NELL1: variants seen among roughly 807,000 people sequenced by gnomAD.
NELL1 encodes neural EGFL like 1, also known as protein kinase C-binding protein NELL1.
In NELL1, 76 loss-of-function variants were observed where a neutral mutation model predicts 107.4. The ratio of observed to expected loss-of-function variants is 0.71; its 90% CI spans 0.59 to 0.86. The LOEUF is 0.86. Among genes scored for constraint, NELL1 ranks in the 40% least tolerant of loss-of-function variants. NELL1 has a pLI of 0.00. For synonymous variants in NELL1, 353 were observed against 341.2 expected (o/e 1.03, Z -0.38); for missense variants, 1,024 against 1,005.5 (o/e 1.02, Z -0.25).
chr11:21,509,429 G>A (rs1180133642), intron 15 of NELL1, among the ~76,000 whole-genome samples: 1 of 152,118 alleles, frequency 6.6e-6, no homozygotes, highest in Non-Finnish European at 1.5e-5. Context: ...TCATAGCTTT[G>A]TTGATTGTGA....
intron 4 of NELL1, among the ~76,000 whole-genome samples, chr11:20,851,192 G>C (rs1463722263): frequency 6.6e-6 from 1 of 152,180 alleles, no homozygotes; most frequent in Non-Finnish European, 1.5e-5. Flanking sequence ...AATGTGGCAG[G>C]ATTTCGCACA....
intron 16 of NELL1, among the ~76,000 whole-genome samples, chr11:21,548,960 T>C (rs766528625): frequency 3.0e-4 from 46 of 151,148 alleles, no homozygotes; most frequent in Non-Finnish European, 5.9e-4. Context: ...CTGTACTCCA[T>C]GGTTTCAGGA....
chr11:20,813,521 G>T (rs929779973), intron 3 of NELL1, among the ~76,000 whole-genome samples: 1 of 152,096 alleles, frequency 6.6e-6, no homozygotes, highest in Non-Finnish European at 1.5e-5. Flanking sequence ...GCTCCGATTT[G>T]ATTCTGGGTA....
At chr11:21,140,131 G>A (rs904057997) in intron 13 of NELL1, among the ~76,000 whole-genome samples, 4 of 152,064 alleles carry the variant, frequency 2.6e-5, no homozygotes, top group Admixed American at 1.3e-4. Flanking sequence ...ACACTGATTC[G>A]CTGAAGCTTA....
At chr11:20,948,986 G>A (rs923238407) in intron 11 of NELL1, among the ~76,000 whole-genome samples, 2 of 151,848 alleles carry the variant, frequency 1.3e-5, no homozygotes, top group Admixed American at 1.3e-4. Flanking sequence ...CAGAGGGGTG[G>A]CAAAAATTCT....
At chr11:21,350,582 A>C (rs1322241449) in intron 14 of NELL1, among the ~76,000 whole-genome samples, 1 of 152,172 alleles carries the variant, frequency 6.6e-6, no homozygotes, top group Non-Finnish European at 1.5e-5. Context: ...GCAGGTTTAA[A>C]TGGCCTGGTG....
chr11:20,738,604 A>AAT lies in NELL1; in HGVS notation c.185-45074_185-45073dup, dbSNP rs1403621681. ...TCATTCTTTTCTGATGGAATTGAAT[A>AAT]ATAGCCCAGGTTCTGGACTTGGACC... On this transcript the variant is annotated intron_variant, in intron 2 of 19. Coordinates refer to ENST00000357134, the MANE Select transcript of NELL1 (RefSeq NM_006157.5). Among the ~76,000 whole-genome samples the AAT allele has an allele frequency of 2.0e-5, 3 of 152,204 alleles. No individual in the cohort carries two copies. The East Asian group carries it at 5.8e-4, about 29-fold the overall frequency.
intron 13 of NELL1, among the ~76,000 whole-genome samples, chr11:21,225,689 C>G (rs1439349927): frequency 6.6e-6 from 1 of 152,078 alleles, no homozygotes; most frequent in Non-Finnish European, 1.5e-5. Context: ...TAACCACCAT[C>G]CTATGATTAA....
intron 15 of NELL1, among the ~76,000 whole-genome samples, chr11:21,465,079 C>G: frequency 6.6e-6 from 1 of 151,814 alleles, no homozygotes; most frequent in Non-Finnish European, 1.5e-5. Context: ...GGTGAGTACA[C>G]GAAGGAATAC....
intron 15 of NELL1, among the ~76,000 whole-genome samples, chr11:21,419,563 C>G (rs1852608135): frequency 6.6e-6 from 1 of 152,102 alleles, no homozygotes; most frequent in Non-Finnish European, 1.5e-5. Context: ...CTCTGAGGAA[C>G]ATGACACTCT....
chr11:21,172,286 C>G (rs1203742796), intron 13 of NELL1, among the ~76,000 whole-genome samples: 1 of 151,830 alleles, frequency 6.6e-6, no homozygotes, highest in Admixed American at 6.6e-5. Context: ...CAAGGAATTG[C>G]TACGTTTTAG....
chr11:21,167,139 T>C (rs1856501746), intron 13 of NELL1, among the ~76,000 whole-genome samples: 1 of 151,882 alleles, frequency 6.6e-6, no homozygotes, highest in African/African-American at 2.4e-5. Flanking sequence ...TGAATCAATA[T>C]TATCAGGACC....
chr11:20,799,301 T>C (rs916324453), intron 3 of NELL1, among the ~76,000 whole-genome samples: 23 of 152,294 alleles, frequency 1.5e-4, no homozygotes, highest in African/African-American at 5.5e-4. Flanking sequence ...ATAGCTTCCT[T>C]GATGATTTCA....
intron 15 of NELL1, among the ~76,000 whole-genome samples, chr11:21,406,394 T>A (rs191522976): frequency 1.5e-4 from 17 of 115,254 alleles, no homozygotes; most frequent in Non-Finnish European, 2.9e-4. Context: ...TTTTCCTGAA[T>A]TTTCCAATAA....
chr11:20,872,171 A>AT lies in NELL1; in HGVS notation c.507-13254dup, dbSNP rs549212186. ...ATACCAAATGAGTCCTCTATCAGAG[A>AT]TTTTTTTTTTTTTTTTTTTGGAGAC... is the stretch of plus-strand genomic sequence containing the variant. On this transcript the variant is annotated intron_variant, in intron 4 of 19. Coordinates refer to ENST00000357134, the MANE Select transcript of NELL1 (RefSeq NM_006157.5). Among the ~76,000 whole-genome samples the AT allele has an allele frequency of 2.2e-3, 228 of 103,938 alleles. 3 individuals carry two copies. Among genetic ancestry groups the AT allele is most frequent in the African/African-American group, 5.7e-3 (176 of 30,732 alleles). 68.2% of individuals were successfully genotyped at this position (103,938 alleles called of 152,430 possible). A position where few individuals can be genotyped will look rare whatever the true frequency, so the allele number is the denominator to read the frequency against.
intron 15 of NELL1, among the ~76,000 whole-genome samples, chr11:21,402,296 T>A (rs1852116397): frequency 6.6e-6 from 1 of 151,818 alleles, no homozygotes; most frequent in South Asian, 2.1e-4. Flanking sequence ...CACACTCTTC[T>A]CAACTTGGGA....
chr11:21,153,556 C>T (rs996171194), intron 13 of NELL1, among the ~76,000 whole-genome samples: 5 of 152,006 alleles, frequency 3.3e-5, no homozygotes, highest in East Asian at 1.9e-4. Flanking sequence ...ATCAAGAGGG[C>T]GTTGGGGAAA....
intron 16 of NELL1, among the ~76,000 whole-genome samples, chr11:21,535,155 T>C (rs185000622): frequency 3.3e-5 from 5 of 152,334 alleles, no homozygotes; most frequent in African/African-American, 9.6e-5. Context: ...TTCTGTTAAA[T>C]ACTGAACACG....
At chr11:21,153,467 G>A (rs1441588305) in intron 13 of NELL1, among the ~76,000 whole-genome samples, 2 of 152,088 alleles carry the variant, frequency 1.3e-5, no homozygotes, top group African/African-American at 2.4e-5. Flanking sequence ...CACTTGCTGT[G>A]TAACAGGCAC....
Sources: allele counts gnomAD v4.1 joint callset (sites outside exome capture counted in the v4.1 genomes callset), GRCh38; gene constraint gnomAD v4.1.1; transcripts MANE v1.5; gene names NCBI Gene and HGNC (gene_info 2026-07-23, HGNC 2026-07-21).